Variants in ROR1 observed in about 807,000 individuals in gnomAD.
The protein encoded by ROR1 is inactive tyrosine-protein kinase transmembrane receptor ROR1.
Under a neutral mutation model 78.8 loss-of-function variants are expected in ROR1, and 19 were observed. That is an observed-to-expected ratio of 0.24 (90% CI 0.17 to 0.35). The LOEUF is 0.35. ROR1 is among the 10% of genes least tolerant of loss of function. The pLI, the probability that ROR1 is intolerant of heterozygous loss-of-function variation, is 1.00. For missense variants in ROR1, 917 were observed against 1,177.8 expected (o/e 0.78, Z 3.24); for synonymous variants, 386 against 433.6 (o/e 0.89, Z 1.36).
chr1:64,038,882 G>A (rs1411076139), intron 2 of ROR1, among the ~76,000 whole-genome samples: 1 of 152,206 alleles, frequency 6.6e-6, no homozygotes, highest in Admixed American at 6.5e-5. Context: ...CATCCTCAAA[G>A]TTCACGGCCT....
At chr1:64,083,909 A>G (rs1164025753) in intron 4 of ROR1, among the ~76,000 whole-genome samples, 1 of 152,222 alleles carries the variant, frequency 6.6e-6, no homozygotes, top group East Asian at 1.9e-4. Context: ...TTCCTTAAGA[A>G]ATGTGATGGG....
At chr1:63,998,582 T>C (rs1342237596) in intron 1 of ROR1, among the ~76,000 whole-genome samples, 1 of 152,208 alleles carries the variant, frequency 6.6e-6, no homozygotes, top group Non-Finnish European at 1.5e-5. Context: ...CCTAGTACCA[T>C]GTTGAATGGA....
intron 4 of ROR1, among the ~76,000 whole-genome samples, chr1:64,130,672 T>A (rs1300062984): frequency 6.6e-6 from 1 of 152,092 alleles, no homozygotes; most frequent in Non-Finnish European, 1.5e-5. Flanking sequence ...AGGAAGGAGG[T>A]AGGTTGGAAT....
At chr1:63,882,398 C>G (rs1023323527) in intron 1 of ROR1, among the ~76,000 whole-genome samples, 1 of 152,158 alleles carries the variant, frequency 6.6e-6, no homozygotes, top group Admixed American at 6.5e-5. Flanking sequence ...GGCCTCTGGT[C>G]TGTTCTGTTC....
intron 1 of ROR1, among the ~76,000 whole-genome samples, chr1:63,884,537 A>G (rs1253195458): frequency 1.3e-5 from 2 of 152,232 alleles, no homozygotes. Flanking sequence ...CTAGTTGGTG[A>G]CAGGGACTGC....
intron 1 of ROR1, among the ~76,000 whole-genome samples, chr1:63,822,389 A>G (rs592298): frequency 0.34 from 51,561 of 152,018 alleles, 12,209 homozygotes; most frequent in African/African-American, 0.68. Flanking sequence ...TATTCTACTT[A>G]TATGAGCATC....
intron 4 of ROR1, among the ~76,000 whole-genome samples, chr1:64,089,150 A>G (rs1419291875): frequency 1.3e-5 from 2 of 152,112 alleles, no homozygotes; most frequent in Non-Finnish European, 2.9e-5. Flanking sequence ...ATGCTATTTT[A>G]TTTTCTCAGC....
chr1:63,942,887 C>T (rs1645852244), intron 1 of ROR1, among the ~76,000 whole-genome samples: 1 of 151,834 alleles, frequency 6.6e-6, no homozygotes, highest in African/African-American at 2.4e-5. Flanking sequence ...CCCAGGAGTT[C>T]GAGAGCAGCC....
intron 1 of ROR1, among the ~76,000 whole-genome samples, chr1:63,889,796 T>C (rs1488374743): frequency 6.6e-6 from 1 of 152,200 alleles, no homozygotes; most frequent in Non-Finnish European, 1.5e-5. Flanking sequence ...ATACCAGTAG[T>C]ATTGCAATTG....
intron 4 of ROR1, among the ~76,000 whole-genome samples, chr1:64,108,547 G>A (rs779453910): frequency 2.0e-5 from 3 of 151,956 alleles, no homozygotes; most frequent in Non-Finnish European, 4.4e-5. Context: ...TCCACTTCTG[G>A]GATAAAGAGT....
chr1:63,849,892 T>C (rs907756316), intron 1 of ROR1, among the ~76,000 whole-genome samples: 1 of 152,210 alleles, frequency 6.6e-6, no homozygotes, highest in African/African-American at 2.4e-5. Flanking sequence ...CAGATACAAA[T>C]ATTTTTTATT....
chr1:64,163,222 A>AACACAC lies in ROR1; in HGVS notation c.1386+4070_1386+4075dup, dbSNP rs57880828. Among the ~76,000 whole-genome samples the AACACAC allele has an allele frequency of 5.4e-3, 748 of 137,740 alleles. 11 individuals are homozygous for AACACAC. The highest frequency in any genetic ancestry group is 0.02 in the African/African-American group (718 of 36,296). The allele number at this position is 137,740 out of a possible 152,430, so 90.4% of individuals were successfully genotyped here. On this transcript the variant is annotated intron_variant, in intron 8 of 8. Coordinates refer to ENST00000371079, the MANE Select transcript of ROR1 (RefSeq NM_005012.4). The stretch of plus-strand genomic sequence containing the variant: ...AACATGGGGAAACCCCATCTCTACA[A>AACACAC]ACACACACACACACACACACACACA...
At chr1:64,115,651 A>G (rs981175720) in intron 4 of ROR1, among the ~76,000 whole-genome samples, 1 of 151,840 alleles carries the variant, frequency 6.6e-6, no homozygotes, top group Non-Finnish European at 1.5e-5. Context: ...AGCACTCAAT[A>G]TATATTTATT....
intron 2 of ROR1, among the ~76,000 whole-genome samples, chr1:64,023,541 C>T (rs536647646): frequency 5.6e-4 from 85 of 152,094 alleles, no homozygotes; most frequent in Non-Finnish European, 1.2e-3. Context: ...AAAAACAAAA[C>T]AAAACAAAAC....
At chr1:64,047,593 C>T (rs536467013) in intron 2 of ROR1, among the ~76,000 whole-genome samples, 1 of 152,256 alleles carries the variant, frequency 6.6e-6, no homozygotes, top group African/African-American at 2.4e-5. Flanking sequence ...AGTTTCTCTC[C>T]ACAAAGGGTA....
intron 4 of ROR1, among the ~76,000 whole-genome samples, chr1:64,060,889 A>G (rs149032959): frequency 5.9e-5 from 9 of 152,342 alleles, no homozygotes; most frequent in African/African-American, 1.7e-4. Context: ...ATCACTCAAC[A>G]ATCCCCACTG....
chr1:63,872,821 A>T (rs1051751116), intron 1 of ROR1, among the ~76,000 whole-genome samples: 9 of 151,866 alleles, frequency 5.9e-5, no homozygotes, highest in Non-Finnish European at 1.5e-5. Context: ...AGTGGTGCTA[A>T]TGGAAACACA....
intron 2 of ROR1, among the ~76,000 whole-genome samples, chr1:64,035,966 C>T (rs1372806908): frequency 6.6e-6 from 1 of 152,136 alleles, no homozygotes; most frequent in African/African-American, 2.4e-5. Flanking sequence ...TTAACAAAGA[C>T]AGATTGATAC....
chr1:63,982,177 A>G (rs564805708), intron 1 of ROR1, among the ~76,000 whole-genome samples: 17 of 152,250 alleles, frequency 1.1e-4, no homozygotes, highest in African/African-American at 3.8e-4. Context: ...AACGAGTTCA[A>G]GGTCGCCCAG....
Sources: gnomAD v4.1 joint callset for allele counts (sites outside exome capture counted in the v4.1 genomes callset) on GRCh38, gnomAD v4.1.1 for gene constraint, MANE v1.5 for transcripts, NCBI Gene and HGNC (gene_info 2026-07-23, HGNC 2026-07-21) for gene names.